ADGB: variants seen among roughly 807,000 people sequenced by gnomAD.
ADGB encodes the protein androglobin.
A neutral mutation model predicts 210.5 loss-of-function variants in ADGB; 172 were observed. The observed-to-expected ratio is 0.82, with a 90% CI of 0.72 to 0.93. The LOEUF is 0.93. ADGB is among the 40% of genes least tolerant of loss of function. ADGB has a pLI of 0.00. For synonymous variants in ADGB, 658 were observed against 662.7 expected (o/e 0.99, Z 0.11); for missense variants, 2,025 against 1,964.8 (o/e 1.03, Z -0.58).
intron 1 of ADGB, among the ~76,000 whole-genome samples, chr6:146,614,051 A>G (rs561975420): frequency 6.6e-6 from 1 of 152,184 alleles, no homozygotes; most frequent in Non-Finnish European, 1.5e-5. Flanking sequence ...TAGGTAATCA[A>G]CAGTATAATA....
At chr6:146,811,066 GTTAC>G (rs1372685245) in intron 35 of ADGB, among the ~76,000 whole-genome samples, 2 of 152,120 alleles carry the variant, frequency 1.3e-5, no homozygotes, top group African/African-American at 4.8e-5. Flanking sequence ...TATATGTAAT[GTTAC>G]TTAATTTAAT....
At chr6:146,764,160 A>T in intron 28 of ADGB, 60 bp downstream of exon 28, 5 of 1,389,442 alleles carry the variant, frequency 3.6e-6, no homozygotes, top group Non-Finnish European at 4.8e-6. Flanking sequence ...AAAACAAAAC[A>T]ATCATTTCCC....
chr6:146,639,086 G>A lies in ADGB; in HGVS notation c.237+3549G>A, dbSNP rs76320029. 289 of 157,320 alleles carry A rather than the reference G, an allele frequency of 1.8e-3. 11 individuals carry two copies. In the East Asian group the frequency reaches 0.048, roughly 26 times the overall value. 9.7% of individuals were successfully genotyped at this position (157,320 alleles called of 1,614,324 possible). A position where few individuals can be genotyped will look rare whatever the true frequency, so the allele number is the denominator to read the frequency against. On this transcript the variant is annotated intron_variant, in intron 2 of 35. Transcript: ENST00000397944. Reference sequence around the variant, plus strand: ...GAGGTGTGGCATCACCAGAACATGGGTGACCTTGAAGATGTTGCTGCCCTG... The same window carrying A: ...GAGGTGTGGCATCACCAGAACATGGATGACCTTGAAGATGTTGCTGCCCTG...
At chr6:146,760,604 T>TTG in intron 27 of ADGB, among the ~76,000 whole-genome samples, 1 of 152,022 alleles carries the variant, frequency 6.6e-6, no homozygotes. Context: ...ATGTTTTCAT[T>TTG]TCACTTGGAT....
At chr6:146,600,821 A>G (rs9497574) in intron 1 of ADGB, among the ~76,000 whole-genome samples, 2 of 151,984 alleles carry the variant, frequency 1.3e-5, no homozygotes, top group Non-Finnish European at 2.9e-5. Context: ...CCAAGATCAT[A>G]CATAGTAGGC....
At chr6:146,666,214 T>A (rs1775935787) in intron 6 of ADGB, among the ~76,000 whole-genome samples, 1 of 151,988 alleles carries the variant, frequency 6.6e-6, no homozygotes. Flanking sequence ...TAAATGTAAA[T>A]AGACTAATAA....
chr6:146,725,896 A>C (rs1180730924), intron 18 of ADGB, 187 bp from the exon 19 acceptor site: 1 of 442,822 alleles, frequency 2.3e-6, no homozygotes, highest in Non-Finnish European at 4.1e-6. Flanking sequence ...TAAAGCGTAG[A>C]TTTCATGATC....
intron 1 of ADGB, among the ~76,000 whole-genome samples, chr6:146,612,773 G>T (rs1050395239): frequency 2.6e-5 from 4 of 152,166 alleles, no homozygotes; most frequent in African/African-American, 9.7e-5. Flanking sequence ...GACAGGGAGA[G>T]AGGGAGAGAG....
At chr6:146,725,775 G>A (rs1776886058) in intron 18 of ADGB, 1 of 213,040 alleles carries the variant, frequency 4.7e-6, no homozygotes, top group African/African-American at 2.3e-5. Flanking sequence ...TTGTTAGGGA[G>A]AAATCAAGAC....
At chr6:146,813,474 G>C (rs368413974) in intron 35 of ADGB, among the ~76,000 whole-genome samples, 2 of 151,990 alleles carry the variant, frequency 1.3e-5, no homozygotes, top group African/African-American at 4.8e-5. Flanking sequence ...CGGTCACTTT[G>C]TATGTGTATT....
intron 13 of ADGB, among the ~76,000 whole-genome samples, chr6:146,705,465 T>C (rs1359502570): frequency 6.6e-6 from 1 of 152,162 alleles, no homozygotes; most frequent in African/African-American, 2.4e-5. Flanking sequence ...AGTTGTAAGT[T>C]GAGAGGTTTT....
Position 146,809,617 on chromosome 6 carries a change from A to G in ADGB, c.4819-5415A>G, listed in dbSNP as rs186251831. Among the ~76,000 whole-genome samples the G allele has an allele frequency of 9.8e-5, 15 of 152,288 alleles. No homozygotes were observed. In the East Asian group the frequency reaches 2.1e-3, roughly 22 times the overall value. ...TCAGCTTGCTTCCCAAAGTGCTGGA[A>G]TTACAGGCATAAACCACCACATCCA... is the stretch of plus-strand genomic sequence containing the variant. On this transcript the variant is annotated intron_variant, in intron 35 of 35. Coordinates refer to ENST00000397944, the MANE Select transcript of ADGB (RefSeq NM_024694.4).
At chr6:146,808,251 C>T (rs1283383712) in intron 35 of ADGB, among the ~76,000 whole-genome samples, 2 of 152,088 alleles carry the variant, frequency 1.3e-5, no homozygotes, top group African/African-American at 2.4e-5. Context: ...CTGCGCGCAT[C>T]GGCCTCCCAA....
intron 12 of ADGB, among the ~76,000 whole-genome samples, chr6:146,695,553 T>C (rs926612020): frequency 6.6e-6 from 1 of 151,896 alleles, no homozygotes; most frequent in Non-Finnish European, 1.5e-5. Context: ...ATTATGTTCT[T>C]TCCTGTATGG....
At chr6:146,681,044 T>C (rs1179536733) in intron 9 of ADGB, among the ~76,000 whole-genome samples, 1 of 152,188 alleles carries the variant, frequency 6.6e-6, no homozygotes. Flanking sequence ...TCTCATTCTA[T>C]TGAAGACAAT....
At chr6:146,751,813 A>G (rs996091021) in intron 26 of ADGB, among the ~76,000 whole-genome samples, 2 of 151,986 alleles carry the variant, frequency 1.3e-5, no homozygotes, top group Admixed American at 6.6e-5. Flanking sequence ...TTGTAGGGCT[A>G]TCAAGTTTTA....
intron 24 of ADGB, 66 bp from the exon 25 acceptor site, chr6:146,741,052 A>T: frequency 7.7e-7 from 1 of 1,294,930 alleles, no homozygotes; most frequent in Non-Finnish European, 1.0e-6. Flanking sequence ...TCTTGGCATT[A>T]ATGCAAATTT....
At chr6:146,649,028 A>T (rs1231036084) in intron 3 of ADGB, among the ~76,000 whole-genome samples, 1 of 151,944 alleles carries the variant, frequency 6.6e-6, no homozygotes, top group Non-Finnish European at 1.5e-5. Flanking sequence ...TAAGATTTTA[A>T]ATTACACAAA....
At chr6:146,742,410 C>G (rs543090184) in intron 25 of ADGB, among the ~76,000 whole-genome samples, 1 of 151,622 alleles carries the variant, frequency 6.6e-6, no homozygotes, top group Non-Finnish European at 1.5e-5. Flanking sequence ...CAAATTGTAA[C>G]TTAAGCTTAA....
Sources: gnomAD v4.1 joint callset for allele counts (sites outside exome capture counted in the v4.1 genomes callset) on GRCh38, gnomAD v4.1.1 for gene constraint, MANE v1.5 for transcripts, NCBI Gene and HGNC (gene_info 2026-07-23, HGNC 2026-07-21) for gene names.